The following HS6ST3 variants were observed in gnomAD, a reference collection of about 807,000 sequenced individuals.
HS6ST3 encodes the protein heparan sulfate 6-O-sulfotransferase 3.
In HS6ST3, 12 loss-of-function variants were observed where a neutral mutation model predicts 36.7. That is an observed-to-expected ratio of 0.33 (90% CI 0.21 to 0.53). The LOEUF is 0.53. Among genes scored for constraint, HS6ST3 ranks in the 20% least tolerant of loss-of-function variants. The probability of loss-of-function intolerance (pLI) is 0.95; values close to 1 mark genes in which losing one functional copy is unlikely to be tolerated. For missense variants in HS6ST3, 584 were observed against 640.9 expected, an observed-to-expected ratio of 0.91 and a Z score of 0.96; for synonymous variants, 240 against 257.5, an observed-to-expected ratio of 0.93 and a Z score of 0.65.
At chr13:96,629,993 A>C (rs1346994426) in intron 1 of HS6ST3, among the ~76,000 whole-genome samples, 1 of 152,120 alleles carries the variant, frequency 6.6e-6, no homozygotes, top group Non-Finnish European at 1.5e-5. Flanking sequence ...ATTCAGGTTC[A>C]TTAGTTCTTC....
At chr13:96,826,694 A>G (rs1878655761) in intron 1 of HS6ST3, among the ~76,000 whole-genome samples, 2 of 152,210 alleles carry the variant, frequency 1.3e-5, no homozygotes, top group African/African-American at 4.8e-5. Context: ...AGAGAAGGCA[A>G]TCATACCTTT....
intron 1 of HS6ST3, among the ~76,000 whole-genome samples, chr13:96,786,053 G>T (rs986984846): frequency 6.6e-6 from 1 of 152,148 alleles, no homozygotes; most frequent in African/African-American, 2.4e-5. Flanking sequence ...TCTACAGGGT[G>T]TGACTACTTC....
intron 1 of HS6ST3, among the ~76,000 whole-genome samples, chr13:96,254,522 T>C (rs2054627720): frequency 8.3e-6 from 1 of 120,092 alleles, no homozygotes; most frequent in Non-Finnish European, 1.7e-5. Context: ...CACACACACT[T>C]TTTTCTTTTC....
intron 1 of HS6ST3, among the ~76,000 whole-genome samples, chr13:96,147,134 G>T (rs1461880280): frequency 1.3e-5 from 2 of 152,208 alleles, no homozygotes; most frequent in African/African-American, 4.8e-5. Context: ...GAGCAAACGT[G>T]TTTTGTTATT....
chr13:96,642,756 A>G (rs1407118821), intron 1 of HS6ST3, among the ~76,000 whole-genome samples: 1 of 151,896 alleles, frequency 6.6e-6, no homozygotes, highest in Non-Finnish European at 1.5e-5. Flanking sequence ...AACAATTCCT[A>G]TCTTTTTATT....
At chr13:96,602,518 G>A (rs183540995) in intron 1 of HS6ST3, among the ~76,000 whole-genome samples, 236 of 152,276 alleles carry the variant, frequency 1.5e-3, no homozygotes, top group Middle Eastern at 6.8e-3. Flanking sequence ...TCAGAAGCCT[G>A]GGCACTGCAG....
chr13:96,502,481 T>C (rs2056008889), intron 1 of HS6ST3, among the ~76,000 whole-genome samples: 1 of 152,064 alleles, frequency 6.6e-6, no homozygotes, highest in South Asian at 2.1e-4. Context: ...TGAGCTTTTC[T>C]GCTACAGTTA....
intron 1 of HS6ST3, among the ~76,000 whole-genome samples, chr13:96,752,704 C>A (rs1876729554): frequency 6.6e-6 from 1 of 151,890 alleles, no homozygotes; most frequent in South Asian, 2.1e-4. Context: ...GATACCTTGT[C>A]AGTTACATAT....
intron 1 of HS6ST3, among the ~76,000 whole-genome samples, chr13:96,254,739 A>G (rs2054628802): frequency 1.3e-5 from 2 of 151,984 alleles, no homozygotes; most frequent in Admixed American, 6.6e-5. Flanking sequence ...GACAGACTCC[A>G]GAGAGAAGCT....
intron 1 of HS6ST3, among the ~76,000 whole-genome samples, chr13:96,479,659 TTAA>T (rs1450407052): frequency 6.6e-6 from 1 of 152,054 alleles, no homozygotes; most frequent in African/African-American, 2.4e-5. Context: ...AAATTGGTGG[TTAA>T]TAATATGGAC....
chr13:96,803,022 C>G (rs1391005222), intron 1 of HS6ST3, among the ~76,000 whole-genome samples: 9 of 152,300 alleles, frequency 5.9e-5, no homozygotes, highest in African/African-American at 7.2e-5. Context: ...TCTACCCTGA[C>G]TCTTCATTTT....
intron 1 of HS6ST3, among the ~76,000 whole-genome samples, chr13:96,799,984 A>ATATATATATATGTG (rs1184198358): frequency 1.1e-5 from 1 of 92,474 alleles, no homozygotes; most frequent in Non-Finnish European, 2.0e-5. Flanking sequence ...ATATATATGT[A>ATATATATATATGTG]TATATATATA....
At chr13:96,612,609 G>C (rs2056460574) in intron 1 of HS6ST3, among the ~76,000 whole-genome samples, 1 of 152,022 alleles carries the variant, frequency 6.6e-6, no homozygotes, top group Non-Finnish European at 1.5e-5. Flanking sequence ...CTACTTCAAG[G>C]GTGATTTTTC....
intron 1 of HS6ST3, among the ~76,000 whole-genome samples, chr13:96,502,539 C>T (rs74106493): frequency 0.015 from 2,264 of 152,156 alleles, 61 homozygotes; most frequent in African/African-American, 0.051. Context: ...AGACACACAA[C>T]CTCTGTGTAA....
chr13:96,460,179 A>G (rs989722353), intron 1 of HS6ST3, among the ~76,000 whole-genome samples: 1 of 152,102 alleles, frequency 6.6e-6, no homozygotes, highest in Non-Finnish European at 1.5e-5. Flanking sequence ...CCATTTTTCT[A>G]TGTGTTTCTA....
At chr13:96,410,275 A>G (rs1291177087) in intron 1 of HS6ST3, among the ~76,000 whole-genome samples, 1 of 152,192 alleles carries the variant, frequency 6.6e-6, no homozygotes, top group Non-Finnish European at 1.5e-5. Context: ...ATATGATAAT[A>G]ATATAATAAT....
At chr13:96,174,924 A>G (rs923782743) in intron 1 of HS6ST3, among the ~76,000 whole-genome samples, 1 of 152,138 alleles carries the variant, frequency 6.6e-6, no homozygotes, top group Non-Finnish European at 1.5e-5. Flanking sequence ...TGGTGTTTCT[A>G]ATAGTGTTGC....
intron 1 of HS6ST3, among the ~76,000 whole-genome samples, chr13:96,517,667 A>G (rs1287393858): frequency 2.0e-5 from 3 of 152,086 alleles, no homozygotes; most frequent in Non-Finnish European, 4.4e-5. Flanking sequence ...CTTGTGCCAC[A>G]GTGGCTTGTT....
chr13:96,738,353 G>A (rs1471775021), intron 1 of HS6ST3, among the ~76,000 whole-genome samples: 1 of 151,652 alleles, frequency 6.6e-6, no homozygotes, highest in Non-Finnish European at 1.5e-5. Flanking sequence ...ATTGACTGCA[G>A]TAACATCAAA....
Sources: allele counts gnomAD v4.1 joint callset (sites outside exome capture counted in the v4.1 genomes callset), GRCh38; gene constraint gnomAD v4.1.1; transcripts MANE v1.5; gene names NCBI Gene and HGNC (gene_info 2026-07-23, HGNC 2026-07-21).